SYTL5: variants seen among roughly 807,000 people sequenced by gnomAD.
SYTL5 encodes synaptotagmin-like protein 5.
In SYTL5, 34 loss-of-function variants were observed where a neutral mutation model predicts 55.9. The ratio of observed to expected loss-of-function variants is 0.61; its 90% CI spans 0.46 to 0.81. The LOEUF is 0.81. Among genes scored for constraint, SYTL5 ranks in the 30% least tolerant of loss-of-function variants. The pLI, the probability that SYTL5 is intolerant of heterozygous loss-of-function variation, is 0.00. For synonymous variants in SYTL5, 221 were observed against 188.7 expected (o/e 1.17, Z -1.40); for missense variants, 637 against 546.7 (o/e 1.17, Z -1.65).
chrX:38,021,938 A>G (rs1010459593), intron 1 of SYTL5, among the ~76,000 whole-genome samples: 1 of 112,264 alleles, frequency 8.9e-6, no homozygotes, highest in Non-Finnish European at 1.9e-5. Flanking sequence ...CTACCCCAGT[A>G]CTGCTCAAAA....
chrX:38,117,563 T>G (rs1034390703), intron 13 of SYTL5, among the ~76,000 whole-genome samples: 3 of 112,215 alleles, frequency 2.7e-5, no homozygotes, highest in African/African-American at 9.7e-5. Flanking sequence ...CAGCAAGAAT[T>G]TATTCTCTCT....
At chrX:38,076,225 G>A (rs1264141119) in intron 5 of SYTL5, among the ~76,000 whole-genome samples, 2 of 112,081 alleles carry the variant, frequency 1.8e-5, no homozygotes, top group Admixed American at 1.9e-4. Context: ...AGCAAAGGGA[G>A]TTCAAACTCT....
chrX:37,890,565 G>A, the SYTL5 span, among the ~76,000 whole-genome samples: 6 of 111,442 alleles, frequency 5.4e-5, no homozygotes, highest in African/African-American at 2.0e-4. Flanking sequence ...TCAGCAGCCC[G>A]ACCCTTGGTT....
At chrX:38,045,125 A>G (rs181330317) in intron 2 of SYTL5, among the ~76,000 whole-genome samples, 1 of 112,042 alleles carries the variant, frequency 8.9e-6, no homozygotes, top group Admixed American at 9.5e-5. Flanking sequence ...AAAGCAACAC[A>G]GGAAAGGAGA....
intron 2 of SYTL5, among the ~76,000 whole-genome samples, chrX:38,043,725 A>G (rs1935376738): frequency 1.1e-5 from 1 of 94,627 alleles, no homozygotes; most frequent in Admixed American, 1.2e-4. Flanking sequence ...ATAGCTGGAA[A>G]TTGCATGAAA....
chrX:38,099,626 A>G (rs1251148434), intron 9 of SYTL5, among the ~76,000 whole-genome samples: 5 of 111,113 alleles, frequency 4.5e-5, no homozygotes, highest in African/African-American at 1.6e-4. Context: ...ATGGAGTAGA[A>G]TTGGTAAGAG....
chrX:38,120,741 C>T (rs1460282229), intron 14 of SYTL5, among the ~76,000 whole-genome samples: 4 of 110,115 alleles, frequency 3.6e-5, no homozygotes, highest in African/African-American at 1.3e-4. Flanking sequence ...GATCTTCCCC[C>T]AGGGTTGGGG....
At chrX:37,890,409 C>T in the SYTL5 span, among the ~76,000 whole-genome samples, 9 of 111,920 alleles carry the variant, frequency 8.0e-5, no homozygotes, top group South Asian at 3.4e-3. Flanking sequence ...AGACATATAG[C>T]TTAGAAGGTA....
intron 2 of SYTL5, among the ~76,000 whole-genome samples, chrX:38,052,000 A>T (rs1935635685): frequency 8.9e-6 from 1 of 111,912 alleles, no homozygotes; most frequent in Non-Finnish European, 1.9e-5. Context: ...TGGTTTCAAC[A>T]GTGTTTAAAT....
intron 9 of SYTL5, among the ~76,000 whole-genome samples, chrX:38,100,095 T>A (rs1406973054): frequency 1.8e-5 from 2 of 111,025 alleles, no homozygotes; most frequent in Admixed American, 9.6e-5. Flanking sequence ...ATAAAATTAG[T>A]TTGGAAGTGT....
chrX:37,910,528 C>T, the SYTL5 span, among the ~76,000 whole-genome samples: 10 of 111,982 alleles, frequency 8.9e-5, no homozygotes, highest in Non-Finnish European at 1.5e-4. Flanking sequence ...CTTTAATGTG[C>T]GCACCAGTCA....
At chrX:37,958,839 A>G in the SYTL5 span, among the ~76,000 whole-genome samples, 1 of 112,680 alleles carries the variant, frequency 8.9e-6, no homozygotes, top group Non-Finnish European at 1.9e-5. Flanking sequence ...GCAAGAAAAA[A>G]TAAGTAGCTG....
chrX:37,983,690 A>G, the SYTL5 span, among the ~76,000 whole-genome samples: 1 of 112,235 alleles, frequency 8.9e-6, no homozygotes, highest in Admixed American at 9.4e-5. Context: ...TAGGATGTTT[A>G]TTTTTCTCAA....
upstream of SYTL5, among the ~76,000 whole-genome samples, chrX:38,003,435 GACAA>G (rs1933909286): frequency 1.8e-5 from 2 of 111,406 alleles, no homozygotes; most frequent in Non-Finnish European, 1.9e-5. Flanking sequence ...ACCAATAACA[GACAA>G]ACAGAGAGCC....
chrX:38,060,136 AT>A (rs1423590853), intron 3 of SYTL5, among the ~76,000 whole-genome samples: 46 of 111,814 alleles, frequency 4.1e-4, no homozygotes, highest in African/African-American at 1.3e-3. Flanking sequence ...TTACTGAGGT[AT>A]ACTTTTCAAT....
At chrX:37,934,450 A>T in the SYTL5 span, among the ~76,000 whole-genome samples, 66 of 107,025 alleles carry the variant, frequency 6.2e-4, no homozygotes, top group Middle Eastern at 4.7e-3. Flanking sequence ...TTGGGCAAGC[A>T]GAAGAAAGAA....
Position 38,073,588 on chromosome X carries a change from A to G in SYTL5, c.446-2A>G. The stretch of plus-strand genomic sequence containing the variant: ...TTTCTCTTCTGATTGTTTGTTAATG[A>G]GGAGCTGAAGAAGTACAGAGCCAAG... On this transcript the variant is annotated splice_acceptor_variant, in intron 4 of 16. Coordinates refer to ENST00000297875, the MANE Select transcript of SYTL5 (RefSeq NM_138780.3). LOFTEE classifies it high-confidence loss of function. 1.7e-6 allele frequency: 2 copies of G among 1,161,279 alleles called. No homozygotes were observed. Among genetic ancestry groups the G allele is most frequent in the Non-Finnish European group, 2.3e-6 (2 of 865,375 alleles).
At chrX:38,108,284 A>G (rs976346665) in intron 11 of SYTL5, among the ~76,000 whole-genome samples, 7 of 112,129 alleles carry the variant, frequency 6.2e-5, no homozygotes, top group Non-Finnish European at 1.3e-4. Context: ...CCAGTTTTAC[A>G]GATGAAGAAA....
chrX:38,045,850 G>A (rs1602339216), intron 2 of SYTL5, among the ~76,000 whole-genome samples: 2 of 111,683 alleles, frequency 1.8e-5, no homozygotes, highest in African/African-American at 6.5e-5. Flanking sequence ...CTCTCTTGGG[G>A]AATATTTGTC....
Sources: allele counts gnomAD v4.1 joint callset (sites outside exome capture counted in the v4.1 genomes callset), GRCh38; gene constraint gnomAD v4.1.1; transcripts MANE v1.5; gene names NCBI Gene and HGNC (gene_info 2026-07-23, HGNC 2026-07-21).